Variants in SCFD2 observed in about 807,000 individuals in gnomAD.
SCFD2 encodes sec1 family domain-containing protein 2.
Under a neutral mutation model 58.9 loss-of-function variants are expected in SCFD2, and 54 were observed. The ratio of observed to expected loss-of-function variants is 0.92; its 90% CI spans 0.74 to 1.15. The LOEUF is 1.15. Ranked by LOEUF, SCFD2 falls within the 50% of genes most tolerant of loss-of-function variation. SCFD2 has a pLI of 0.00. For synonymous variants in SCFD2, 321 were observed against 335.9 expected (o/e 0.96, Z 0.49); for missense variants, 805 against 836.6 (o/e 0.96, Z 0.47).
intron 4 of SCFD2, among the ~76,000 whole-genome samples, chr4:53,252,428 T>G (rs1401903966): frequency 6.6e-6 from 1 of 151,586 alleles, no homozygotes; most frequent in Non-Finnish European, 1.5e-5. Flanking sequence ...CATCGCCAAG[T>G]CAATCCTAAG....
At chr4:53,166,963 A>G (rs1727030566) in intron 4 of SCFD2, among the ~76,000 whole-genome samples, 1 of 152,112 alleles carries the variant, frequency 6.6e-6, no homozygotes, top group Non-Finnish European at 1.5e-5. Context: ...AGGACCTGTG[A>G]TTTCATTAAA....
At chr4:53,037,679 A>G (rs984928242) in intron 5 of SCFD2, among the ~76,000 whole-genome samples, 57 of 152,322 alleles carry the variant, frequency 3.7e-4, no homozygotes, top group African/African-American at 1.2e-3. Flanking sequence ...ATATGACACA[A>G]ATCCTGTAAG....
At chr4:52,875,677 G>A (rs1233291566) in intron 8 of SCFD2, among the ~76,000 whole-genome samples, 1 of 151,446 alleles carries the variant, frequency 6.6e-6, no homozygotes, top group East Asian at 1.9e-4. Context: ...AAGAGGAAGA[G>A]AGAAGGAAGT....
chr4:53,094,868 C>A (rs1724572929), intron 5 of SCFD2, among the ~76,000 whole-genome samples: 1 of 152,084 alleles, frequency 6.6e-6, no homozygotes, highest in African/African-American at 2.4e-5. Context: ...AAAGCTTTTG[C>A]CCCCTCACTC....
chr4:52,912,364 T>G (rs1362403488), intron 6 of SCFD2, among the ~76,000 whole-genome samples: 2 of 152,196 alleles, frequency 1.3e-5, no homozygotes, highest in Non-Finnish European at 2.9e-5. Context: ...AATCAGGGGC[T>G]AGAAAGGCAG....
Position 53,334,662 on chromosome 4 carries a change from T to C in SCFD2, c.1007+17936A>G, listed in dbSNP as rs898406028. 2.8e-4 allele frequency among the ~76,000 whole-genome samples: 42 copies of C among 151,532 alleles called. 1 individual carries two copies. Among genetic ancestry groups the C allele is most frequent in the Middle Eastern group, 6.8e-3 (2 of 294 alleles). On this transcript the variant is annotated intron_variant, in intron 2 of 8. Transcript: ENST00000401642. ...ATATACCTAATGCTAGATGACGAGT[T>C]AGTGGGTGCAGCGCACCAGCATGGC...
intron 2 of SCFD2, among the ~76,000 whole-genome samples, chr4:53,329,323 C>A (rs913407657): frequency 6.6e-6 from 1 of 151,646 alleles, no homozygotes; most frequent in Non-Finnish European, 1.5e-5. Context: ...CAGCAGTAAC[C>A]TCTGCAGACT....
chr4:52,951,170 A>C (rs988102052), intron 5 of SCFD2: 1 of 152,164 alleles, frequency 6.6e-6, no homozygotes, highest in Non-Finnish European at 1.5e-5. Flanking sequence ...TTCATTCATT[A>C]ATTCTCTCCC....
At chr4:53,328,494 A>G (rs148742218) in intron 2 of SCFD2, among the ~76,000 whole-genome samples, 527 of 152,338 alleles carry the variant, frequency 3.5e-3, no homozygotes, top group African/African-American at 0.012. Context: ...AATATGGGAC[A>G]ATATTAACAT....
chr4:53,169,227 T>A (rs201279689), intron 4 of SCFD2, among the ~76,000 whole-genome samples: 4 of 151,884 alleles, frequency 2.6e-5, no homozygotes, highest in African/African-American at 4.8e-5. Flanking sequence ...AATACAAAAA[T>A]TAGCTGGGCG....
chr4:53,096,540 C>T (rs1197703258), intron 5 of SCFD2, among the ~76,000 whole-genome samples: 1 of 151,972 alleles, frequency 6.6e-6, no homozygotes, highest in Non-Finnish European at 1.5e-5. Flanking sequence ...CTGTTCATAT[C>T]CTTTGCCCAC....
At chr4:53,277,481 G>C (rs1731361649) in intron 3 of SCFD2, among the ~76,000 whole-genome samples, 1 of 152,124 alleles carries the variant, frequency 6.6e-6, no homozygotes, top group Admixed American at 6.5e-5. Flanking sequence ...ACTTAATCAT[G>C]ATAGTGGTAA....
At chr4:53,225,221 T>G (rs1280644220) in intron 4 of SCFD2, among the ~76,000 whole-genome samples, 1 of 152,160 alleles carries the variant, frequency 6.6e-6, no homozygotes, top group Non-Finnish European at 1.5e-5. Context: ...AAATTCACTC[T>G]TCCAATAGTA....
At chr4:53,090,649 C>A (rs886828891) in intron 5 of SCFD2, among the ~76,000 whole-genome samples, 1 of 152,144 alleles carries the variant, frequency 6.6e-6, no homozygotes, top group Non-Finnish European at 1.5e-5. Flanking sequence ...AGTAACCATT[C>A]ATTCACTTAT....
At chr4:52,943,498 G>C (rs1480430689) in intron 5 of SCFD2, among the ~76,000 whole-genome samples, 2 of 152,076 alleles carry the variant, frequency 1.3e-5, no homozygotes, top group Non-Finnish European at 2.9e-5. Flanking sequence ...TTGATACATA[G>C]TATTAATCTG....
At chr4:53,206,654 A>G (rs1193815656) in intron 4 of SCFD2, among the ~76,000 whole-genome samples, 1 of 152,116 alleles carries the variant, frequency 6.6e-6, no homozygotes, top group Non-Finnish European at 1.5e-5. Flanking sequence ...CTATACATGT[A>G]TCACTGACAG....
intron 5 of SCFD2, among the ~76,000 whole-genome samples, chr4:53,111,074 A>T (rs1489165957): frequency 2.0e-5 from 3 of 152,272 alleles, no homozygotes; most frequent in East Asian, 3.9e-4. Context: ...TTCTCAGAAA[A>T]CTAACACAGG....
chr4:53,069,310 C>T (rs34104811), intron 5 of SCFD2, among the ~76,000 whole-genome samples: 254 of 152,136 alleles, frequency 1.7e-3, no homozygotes, highest in Non-Finnish European at 3.2e-3. Context: ...AATGAGTCCA[C>T]GACTCTGAAG....
chr4:53,274,489 A>G (rs1208121553), intron 3 of SCFD2, among the ~76,000 whole-genome samples: 3 of 152,192 alleles, frequency 2.0e-5, no homozygotes, highest in African/African-American at 7.2e-5. Context: ...TCATGACAAT[A>G]TTCGTGAGAT....
Sources: allele counts gnomAD v4.1 joint callset (sites outside exome capture counted in the v4.1 genomes callset), GRCh38; gene constraint gnomAD v4.1.1; transcripts MANE v1.5; gene names NCBI Gene and HGNC (gene_info 2026-07-23, HGNC 2026-07-21).